ABCA1: variants seen among roughly 807,000 people sequenced by gnomAD.
ABCA1 encodes the protein phospholipid-transporting ATPase ABCA1.
ABCA1 carries 133 observed loss-of-function variants against 262.5 expected under a neutral mutation model. That is an observed-to-expected ratio of 0.51 (90% CI 0.44 to 0.59). The LOEUF is 0.59. Among genes scored for constraint, ABCA1 ranks in the 20% least tolerant of loss-of-function variants. ABCA1 has a pLI of 0.00. For synonymous variants in ABCA1, 1,022 were observed against 1,043.5 expected (o/e 0.98, Z 0.40); for missense variants, 2,452 against 2,777.5 (o/e 0.88, Z 2.63).
At chr9:104,806,204 A>C (rs763184631) in intron 31 of ABCA1, 37 bp downstream of exon 31, 2 of 1,602,864 alleles carry the variant, frequency 1.2e-6, no homozygotes, top group Admixed American at 3.3e-5. Context: ...CCCATCCTGC[A>C]CCCCTTCTGC....
intron 20 of ABCA1, among the ~76,000 whole-genome samples, chr9:104,820,715 C>T (rs1157052559): frequency 6.6e-6 from 1 of 152,176 alleles, no homozygotes; most frequent in African/African-American, 2.4e-5. Context: ...GGCCCTGAAG[C>T]ACTACCAGGT....
chr9:104,801,959 G>A, intron 34 of ABCA1, 95 bp downstream of exon 34: 1 of 1,126,070 alleles, frequency 8.9e-7, no homozygotes, highest in South Asian at 1.3e-5. Context: ...TCAGAACAAT[G>A]AGCTGCCAGG....
At chr9:104,816,399 T>C in intron 24 of ABCA1, 54 bp from the exon 25 acceptor site, 1 of 1,570,346 alleles carries the variant, frequency 6.4e-7, no homozygotes, top group Non-Finnish European at 8.7e-7. Context: ...GGCTTCGGAG[T>C]GAGGGCTGGC....
At chr9:104,892,451 T>C (rs1247720189) in intron 2 of ABCA1, among the ~76,000 whole-genome samples, 1 of 152,016 alleles carries the variant, frequency 6.6e-6, no homozygotes, top group Non-Finnish European at 1.5e-5. Flanking sequence ...ATTTTCTTTC[T>C]GCCAAAGAAC....
chr9:104,808,799 T>C (rs1831016950), intron 30 of ABCA1, among the ~76,000 whole-genome samples: 1 of 152,126 alleles, frequency 6.6e-6, no homozygotes. Context: ...TCAGCTGAGA[T>C]TCTGCCTAAA....
At chr9:104,857,981 C>T (rs568239779) in intron 7 of ABCA1, among the ~76,000 whole-genome samples, 2 of 152,292 alleles carry the variant, frequency 1.3e-5, no homozygotes, top group South Asian at 4.1e-4. Context: ...TCATAGAGTG[C>T]TTCTCTGAAC....
At chr9:104,857,468 G>A (rs1428637247) in intron 7 of ABCA1, among the ~76,000 whole-genome samples, 2 of 152,152 alleles carry the variant, frequency 1.3e-5, no homozygotes, top group East Asian at 1.9e-4. Context: ...CTGACCTCAC[G>A]TGATCTGCCC....
At chr9:104,799,435 C>CACACACACACAG (rs1554703915) in intron 36 of ABCA1, 3 of 974,618 alleles carry the variant, frequency 3.1e-6, no homozygotes, top group African/African-American at 3.6e-5. Context: ...CACACACACA[C>CACACACACACAG]AGCTTAATTT....
rs539250009 is a variant in ABCA1 at position 104,902,118 on chromosome 9, T to C, written c.66+1496A>G. ...AGTTTTTCTCAAAGGAAGATCTGTA[T>C]ACATATTGCTGAGGGATTATATTTA... On this transcript the variant is annotated intron_variant, in intron 2 of 49. Coordinates refer to ENST00000374736, the MANE Select transcript of ABCA1 (RefSeq NM_005502.4). Among the ~76,000 whole-genome samples, 6 of 152,334 alleles carry C rather than the reference T, an allele frequency of 3.9e-5. 1 individual carries two copies. The highest frequency in any genetic ancestry group is 1.4e-4 in the African/African-American group (6 of 41,574).
rs1831230593 is a variant in ABCA1, at chr9:104,810,987, C to A, written c.4051-63G>T. On this transcript the variant is annotated intron_variant, in intron 28 of 49. Transcript: ENST00000374736. Reference sequence around the variant, plus strand: ...GAAACGGCAAGTGTTAGAAACAAGGCCAAGGGGCAAATCCCTACGAGTCCA... The same window carrying A: ...GAAACGGCAAGTGTTAGAAACAAGGACAAGGGGCAAATCCCTACGAGTCCA... The A allele has an allele frequency of 2.5e-5, 40 of 1,611,162 alleles. 1 individual carries two copies. The South Asian group carries it at 4.3e-4, about 17-fold the overall frequency.
chr9:104,877,912 A>C (rs1188611258), intron 5 of ABCA1, among the ~76,000 whole-genome samples: 3 of 152,250 alleles, frequency 2.0e-5, no homozygotes, highest in Admixed American at 2.0e-4. Flanking sequence ...ATTCACAGAA[A>C]ATGTTTCTTT....
intron 45 of ABCA1, 149 bp from the exon 46 acceptor site, chr9:104,788,203 A>C (rs1171015399): frequency 1.7e-6 from 2 of 1,163,992 alleles, no homozygotes; most frequent in Non-Finnish European, 2.6e-6. Flanking sequence ...AAGCAGGGAG[A>C]AGGGACTCGT....
chr9:104,832,373 G>A (rs188835766), intron 12 of ABCA1, among the ~76,000 whole-genome samples: 1 of 152,208 alleles, frequency 6.6e-6, no homozygotes, highest in East Asian at 1.9e-4. Flanking sequence ...ACTAAAGCTA[G>A]AGTTTATTTA....
chr9:104,886,021 C>A (rs1839137485), intron 3 of ABCA1, among the ~76,000 whole-genome samples: 1 of 152,196 alleles, frequency 6.6e-6, no homozygotes, highest in Non-Finnish European at 1.5e-5. Flanking sequence ...GATAAAAGTA[C>A]AATTAACTTC....
At chr9:104,845,851 G>A (rs1040796235) in intron 7 of ABCA1, among the ~76,000 whole-genome samples, 2 of 152,196 alleles carry the variant, frequency 1.3e-5, no homozygotes, top group African/African-American at 4.8e-5. Flanking sequence ...GTGGGCTGGG[G>A]GGATGTGTCC....
chr9:104,796,911 G>A (rs1026026252), intron 37 of ABCA1, among the ~76,000 whole-genome samples: 1 of 152,216 alleles, frequency 6.6e-6, no homozygotes, highest in African/African-American at 2.4e-5. Context: ...TCCTGACAGT[G>A]TATCAAGCAG....
intron 8 of ABCA1, among the ~76,000 whole-genome samples, chr9:104,843,155 A>G (rs1450589449): frequency 6.6e-6 from 1 of 152,050 alleles, no homozygotes; most frequent in African/African-American, 2.4e-5. Context: ...TCTTCACTGC[A>G]TATATCCCTC....
intron 44 of ABCA1, among the ~76,000 whole-genome samples, chr9:104,790,011 G>A (rs1360834722): frequency 2.6e-5 from 4 of 151,902 alleles, no homozygotes; most frequent in South Asian, 2.1e-4. Flanking sequence ...CAGGAGAATC[G>A]CTTGAACCTG....
At position 104,787,972 on chromosome 9, in the gene ABCA1, C is replaced by G; in HGVS notation, c.6152G>C (p.Arg2051Pro). ...YAGNYSGGNKRKLSTAMALIG... is the reference protein window; with the variant it reads ...YAGNYSGGNKPKLSTAMALIG... ...CAAAGCCATGGCTGTAGAGAGCTTG[C>G]GTTTGTTGCCTCCACTATAGTTACC... The change falls in exon 46 of 50, where the codon CGC becomes CCC. Residue 2051 changes from arginine (R) to proline (P), a missense_variant. Physicochemically the swap from Arg to Pro is moderately radical, Grantham distance 103 (BLOSUM62 -2). Coordinates refer to ENST00000374736, the MANE Select transcript of ABCA1 (RefSeq NM_005502.4). The G allele has an allele frequency of 6.2e-7, 1 of 1,614,186 alleles. No homozygotes were observed. Among genetic ancestry groups the G allele is most frequent in the Non-Finnish European group, 8.5e-7 (1 of 1,180,040 alleles).
Sources: allele counts gnomAD v4.1 joint callset (sites outside exome capture counted in the v4.1 genomes callset), GRCh38; gene constraint gnomAD v4.1.1; transcripts MANE v1.5; gene names NCBI Gene and HGNC (gene_info 2026-07-23, HGNC 2026-07-21).